CPLANE1: variants seen among roughly 807,000 people sequenced by gnomAD.
The protein encoded by CPLANE1 is ciliogenesis and planar polarity effector 1.
CPLANE1 carries 263 observed loss-of-function variants against 362.5 expected under a neutral mutation model. The observed-to-expected ratio is 0.73, with a 90% CI of 0.66 to 0.80. The LOEUF (loss-of-function observed/expected upper bound fraction) is 0.80, where lower values mean the gene tolerates loss of function less well. Ranked by LOEUF, CPLANE1 falls within the 30% of genes least tolerant of loss-of-function variation. The pLI is 0.00. For missense variants in CPLANE1, 3,461 were observed against 3,793.4 expected (o/e 0.91, Z 2.30); for synonymous variants, 1,212 against 1,302.6 (o/e 0.93, Z 1.50).
At chr5:37,133,084 A>G (rs1168484567) in intron 46 of CPLANE1, among the ~76,000 whole-genome samples, 1 of 152,136 alleles carries the variant, frequency 6.6e-6, no homozygotes, top group Non-Finnish European at 1.5e-5. Context: ...AGATGGCTGT[A>G]GGTATGCAAC....
chr5:37,174,003 T>A, intron 31 of CPLANE1, 56 bp from the exon 32 acceptor site: 1 of 1,358,110 alleles, frequency 7.4e-7, no homozygotes, highest in Non-Finnish European at 1.0e-6. Context: ...AAAAACAAAT[T>A]GAATGTCTAT....
At chr5:37,222,403 A>G (rs1268876802) in intron 14 of CPLANE1, among the ~76,000 whole-genome samples, 1 of 152,150 alleles carries the variant, frequency 6.6e-6, no homozygotes, top group African/African-American at 2.4e-5. Context: ...TGGCCTTAAG[A>G]TTGGAAGCAA....
chr5:37,090,325 T>C, the CPLANE1 span, among the ~76,000 whole-genome samples: 3 of 152,186 alleles, frequency 2.0e-5, no homozygotes, highest in African/African-American at 7.2e-5. Flanking sequence ...GAATGGGTTT[T>C]TTGCCACATA....
chr5:37,187,393 T>C (rs756297876), intron 23 of CPLANE1, 21 bp downstream of exon 23: 3 of 1,576,476 alleles, frequency 1.9e-6, no homozygotes, highest in South Asian at 2.4e-5. Context: ...TGTAGTTTAC[T>C]TTCACCTACA....
chr5:37,085,675 T>A, the CPLANE1 span: 1 of 1,117,024 alleles, frequency 9.0e-7, no homozygotes, highest in Non-Finnish European at 1.4e-6. Flanking sequence ...CTGGATCTTT[T>A]GACGTGGTTC....
chr5:37,220,969 A>G (rs1795233499), intron 15 of CPLANE1, among the ~76,000 whole-genome samples: 1 of 152,246 alleles, frequency 6.6e-6, no homozygotes, highest in Non-Finnish European at 1.5e-5. Flanking sequence ...CAATCATACT[A>G]TCAGCTCAGC....
At chr5:37,112,460 C>T (rs549267644) in intron 51 of CPLANE1, among the ~76,000 whole-genome samples, 1 of 152,268 alleles carries the variant, frequency 6.6e-6, no homozygotes, top group South Asian at 2.1e-4. Flanking sequence ...AGTGTACCTG[C>T]CCCACTGGAC....
chr5:37,119,831 C>CA (rs1762131784), intron 50 of CPLANE1, among the ~76,000 whole-genome samples: 1 of 148,318 alleles, frequency 6.7e-6, no homozygotes, highest in South Asian at 2.2e-4. Flanking sequence ...TAAAAAAATA[C>CA]AAAAAATTAG....
At chr5:37,171,824 C>CTACCCAG (rs1239172224) in intron 32 of CPLANE1, among the ~76,000 whole-genome samples, 1 of 151,118 alleles carries the variant, frequency 6.6e-6, no homozygotes, top group Non-Finnish European at 1.5e-5. Context: ...TCTCACCCTG[C>CTACCCAG]TACCCAGGCT....
At chr5:37,163,322 T>C (rs1331575045) in intron 37 of CPLANE1, among the ~76,000 whole-genome samples, 1 of 152,174 alleles carries the variant, frequency 6.6e-6, no homozygotes, top group Non-Finnish European at 1.5e-5. Flanking sequence ...CAGAATCATG[T>C]GTTTCTGGCT....
intron 5 of CPLANE1, among the ~76,000 whole-genome samples, chr5:37,243,754 AATAT>A (rs1043896334): frequency 4.1e-5 from 6 of 147,212 alleles, no homozygotes; most frequent in African/African-American, 1.5e-4. Context: ...ATATGCATAT[AATAT>A]ATATAATATA....
rs1264716047 is a variant in CPLANE1, at chr5:37,165,551, A to T, written c.7521T>A (p.Ile2507=). ...SIINNDDSEI[I]KKPKEQQEHC... is the part of the protein sequence containing the mutation. The stretch of plus-strand genomic sequence containing the variant: ...AGTTTTTCTATACCTTGGGTTTCTT[A>T]ATGATTTCTGAATCATCATTATTAA... Residue 2507 remains isoleucine, a synonymous_variant, in exon 36 of 53, where the codon ATT becomes ATA. Transcript: ENST00000651892. The T allele has an allele frequency of 9.3e-6, 15 of 1,608,512 alleles. No individual in the cohort carries two copies. The East Asian group carries it at 3.3e-4, about 36-fold the overall frequency.
intron 6 of CPLANE1, among the ~76,000 whole-genome samples, 152 bp from the exon 7 acceptor site, chr5:37,240,021 T>C (rs1799984270): frequency 6.6e-6 from 1 of 152,286 alleles, no homozygotes; most frequent in South Asian, 2.1e-4. Flanking sequence ...TCCATTGTGT[T>C]GCTGTAAAGG....
chr5:37,213,454 T>C (rs1340522621), intron 16 of CPLANE1, 105 bp downstream of exon 16: 17 of 696,446 alleles, frequency 2.4e-5, no homozygotes, highest in South Asian at 9.2e-5. Context: ...TCAGATACTA[T>C]GCTAGAACAG....
At position 37,180,908 on chromosome 5, in the gene CPLANE1, C is replaced by T; in HGVS notation, c.5519G>A (p.Gly1840Asp). 2 of 1,614,088 alleles carry T rather than the reference C, an allele frequency of 1.2e-6. No individual in the cohort carries two copies. The highest frequency in any genetic ancestry group is 1.7e-6 in the Non-Finnish European group (2 of 1,179,956). The change falls in exon 27 of 53, where the codon GGT (glycine) becomes GAT (aspartate). Residue 1840 changes from glycine (G) to aspartate (D), a missense_variant. This residue lies in a region of CPLANE1 where 3,380 missense variants were observed against 3,666.1 expected (regional missense o/e 0.92). Coordinates refer to ENST00000651892, the MANE Select transcript of CPLANE1 (RefSeq NM_001384732.1). Reference protein sequence around the residue: ...AGGSVAVATPGGTEERNGQNK... With the variant: ...AGGSVAVATPDGTEERNGQNK... ...CTGACCATTTCTTTCCTCAGTTCCA[C>T]CTGGAGTTGCTACTGCAACTGAACC...
At chr5:37,084,002 A>C in the CPLANE1 span, among the ~76,000 whole-genome samples, 1 of 152,222 alleles carries the variant, frequency 6.6e-6, no homozygotes, top group South Asian at 2.1e-4. Flanking sequence ...TTTAAGATGA[A>C]GGAAAGAATC....
At chr5:37,152,936 A>G (rs1773989774) in intron 42 of CPLANE1, among the ~76,000 whole-genome samples, 2 of 152,232 alleles carry the variant, frequency 1.3e-5, no homozygotes, top group African/African-American at 4.8e-5. Flanking sequence ...GGAACTGATT[A>G]CTAACTCTCT....
the CPLANE1 span, chr5:37,085,737 T>C: frequency 1.5e-6 from 2 of 1,334,096 alleles, no homozygotes; most frequent in African/African-American, 2.9e-5. Context: ...TCCAACATTT[T>C]TGTTATTGGC....
At position 37,116,555 on chromosome 5, in the gene CPLANE1, G is replaced by A. The variant is rs528380176; in HGVS notation, c.9311-1506C>T. Among the ~76,000 whole-genome samples the A allele has an allele frequency of 1.6e-3, 233 of 144,212 alleles. 1 individual carries two copies. The highest frequency in any genetic ancestry group is 2.0e-3 in the Non-Finnish European group (131 of 66,564). The allele number at this position is 144,212 out of a possible 152,430, so 94.6% of individuals were successfully genotyped here. On this transcript the variant is annotated intron_variant, in intron 50 of 52. Coordinates refer to ENST00000651892, the MANE Select transcript of CPLANE1 (RefSeq NM_001384732.1). ...GATGATCTGAGCCAGGGAGGTCAAG[G>A]TTGCAGTGAGCCATGATCACGCCAC...
Sources: allele counts gnomAD v4.1 joint callset (sites outside exome capture counted in the v4.1 genomes callset), GRCh38; gene constraint gnomAD v4.1.1; regional missense constraint gnomAD v4.1.1; transcripts MANE v1.5; gene names NCBI Gene and HGNC (gene_info 2026-07-23, HGNC 2026-07-21).